Variants in GFM1 observed in about 807,000 individuals in gnomAD.
The protein encoded by GFM1 is elongation factor G, mitochondrial.
In GFM1, 62 loss-of-function variants were observed where a neutral mutation model predicts 96.2. The ratio of observed to expected loss-of-function variants is 0.64; its 90% CI spans 0.53 to 0.80. The LOEUF (loss-of-function observed/expected upper bound fraction) is 0.80. GFM1 is among the 30% of genes least tolerant of loss of function. The pLI, the probability that GFM1 is intolerant of heterozygous loss-of-function variation, is 0.00. For missense variants in GFM1, 852 were observed against 916.6 expected, an observed-to-expected ratio of 0.93 and a Z score of 0.91; for synonymous variants, 282 against 312.9, an observed-to-expected ratio of 0.90 and a Z score of 1.04.
At chr3:158,649,750 C>A (rs1399283809) in intron 5 of GFM1, 3 of 437,330 alleles carry the variant, frequency 6.9e-6, no homozygotes, top group Non-Finnish European at 1.2e-5. Context: ...TGGTAGTTAT[C>A]AAACCTTAGC....
At chr3:158,655,779 T>C in intron 8 of GFM1, 1 of 451,296 alleles carries the variant, frequency 2.2e-6, no homozygotes, top group Non-Finnish European at 4.4e-6. Context: ...TTAACTAAAA[T>C]CCTTACTTCA....
At chr3:158,687,340 A>T (rs552438681) in intron 15 of GFM1, among the ~76,000 whole-genome samples, 1 of 152,020 alleles carries the variant, frequency 6.6e-6, no homozygotes, top group Non-Finnish European at 1.5e-5. Flanking sequence ...AAAATATACT[A>T]TGCACACAAG....
chr3:158,649,993 G>A (rs963321039), intron 5 of GFM1: 7 of 1,534,966 alleles, frequency 4.6e-6, no homozygotes, highest in Middle Eastern at 1.7e-4. Context: ...TAGCCTGGTC[G>A]TTTCTCCACA....
Position 158,684,684 on chromosome 3 carries a change from G to A in GFM1, c.1909+16G>A, listed in dbSNP as rs1725684560. 1 of 1,613,312 alleles carries A rather than the reference G, an allele frequency of 6.2e-7. No individual in the cohort carries two copies. Among genetic ancestry groups the A allele is most frequent in the Admixed American group, 1.7e-5 (1 of 59,956 alleles). ...CTTAAACAAGGTATGCTGGGTCCGGGCACCTTAGCCTGTCTGTTTTCCTGA... is the reference window on the plus strand; with the variant it reads ...CTTAAACAAGGTATGCTGGGTCCGGACACCTTAGCCTGTCTGTTTTCCTGA... On this transcript the variant is annotated intron_variant, in intron 15 of 17. Transcript: ENST00000486715.
intron 9 of GFM1, among the ~76,000 whole-genome samples, chr3:158,659,436 TAC>T (rs958254450): frequency 2.0e-5 from 3 of 152,204 alleles, no homozygotes; most frequent in African/African-American, 7.2e-5. Context: ...ATAATAAATT[TAC>T]ACAGTTTTCC....
rs1257480273 is a variant in GFM1, at chr3:158,649,117, CTTA to C, written c.652_654del (p.Ile218del). 6.5e-7 allele frequency: 1 copy of C among 1,527,458 alleles called. No homozygotes were observed. Among genetic ancestry groups the C allele is most frequent in the Non-Finnish European group, 9.1e-7 (1 of 1,102,098 alleles). The allele number at this position is 1,527,458 out of a possible 1,614,324, so 94.6% of individuals were successfully genotyped here. A position where few individuals can be genotyped will look rare whatever the true frequency, so the allele number is the denominator to read the frequency against. ...GGGTAATTTTAAAGGTATTGTAGAT[CTTA>C]TTGAGGAACGAGCCATCTATTTTGA... On this transcript the variant is annotated inframe_deletion, in exon 5 of 18. Transcript: ENST00000486715.
intron 5 of GFM1, among the ~76,000 whole-genome samples, chr3:158,651,369 C>G (rs1198776822): frequency 6.6e-6 from 1 of 152,008 alleles, no homozygotes; most frequent in East Asian, 1.9e-4. Context: ...TCAGATGGGC[C>G]CTAGGCAGGT....
chr3:158,649,135 A>T lies in GFM1; in HGVS notation c.667A>T (p.Ile223Phe). 1 of 1,435,340 alleles carries T rather than the reference A, an allele frequency of 7.0e-7. No homozygotes were observed. The highest frequency in any genetic ancestry group is 9.8e-7 in the Non-Finnish European group (1 of 1,018,296). 88.9% of individuals were successfully genotyped at this position (1,435,340 alleles called of 1,614,324 possible). Residue 223 changes from isoleucine (I) to phenylalanine (F), a missense_variant, in exon 5 of 18, where the codon ATC (isoleucine) becomes TTC (phenylalanine). Transcript: ENST00000486715. Reference sequence around the variant, plus strand: ...TGTAGATCTTATTGAGGAACGAGCCATCTATTTTGATGGAGACTTTGGGTA... The same window carrying T: ...TGTAGATCTTATTGAGGAACGAGCCTTCTATTTTGATGGAGACTTTGGGTA... ...GIVDLIEERAIYFDGDFGQIV... is the reference protein window; with the variant it reads ...GIVDLIEERAFYFDGDFGQIV...
chr3:158,646,888 T>C lies in GFM1; in HGVS notation c.513T>C (p.Thr171=). Residue 171 remains threonine (T), a synonymous_variant, in exon 4 of 18, where the codon ACT becomes ACC. Coordinates refer to ENST00000486715, the MANE Select transcript of GFM1 (RefSeq NM_024996.7). Reference sequence around the variant, plus strand: ...AGCGCTACAACGTTCCGTTTCTAACTTTTATTAACAAATTGGACCGAATGG... The same window carrying C: ...AGCGCTACAACGTTCCGTTTCTAACCTTTATTAACAAATTGGACCGAATGG... ...QMKRYNVPFL[T]FINKLDRMGS... is the part of the protein sequence containing the mutation. The C allele has an allele frequency of 6.2e-7, 1 of 1,614,146 alleles. No homozygotes were observed. The highest frequency in any genetic ancestry group is 8.5e-7 in the Non-Finnish European group (1 of 1,180,024).
chr3:158,676,200 G>T (rs1724877503), intron 13 of GFM1, among the ~76,000 whole-genome samples: 1 of 152,156 alleles, frequency 6.6e-6, no homozygotes, highest in Non-Finnish European at 1.5e-5. Context: ...GCACAGGGAG[G>T]AGGTTGCGAT....
At chr3:158,681,593 T>G (rs1196566267) in intron 13 of GFM1, among the ~76,000 whole-genome samples, 1 of 152,198 alleles carries the variant, frequency 6.6e-6, no homozygotes, top group African/African-American at 2.4e-5. Context: ...ATAAATTAAC[T>G]GTAGCCATCA....
intron 12 of GFM1, 37 bp from the exon 13 acceptor site, chr3:158,666,267 T>A: frequency 1.3e-6 from 2 of 1,488,326 alleles, no homozygotes; most frequent in Non-Finnish European, 1.9e-6. Flanking sequence ...CGGTTTATTT[T>A]TTTAAATTTA....
chr3:158,682,812 C>G (rs570189032), intron 14 of GFM1, among the ~76,000 whole-genome samples: 1 of 151,944 alleles, frequency 6.6e-6, no homozygotes, highest in Non-Finnish European at 1.5e-5. Context: ...ATCACTTGAG[C>G]CCAGGAGTTT....
chr3:158,682,029 G>A lies in GFM1; in HGVS notation c.1636G>A (p.Ala546Thr). ...TACACATAAAAAACAATCAGGTGGT[G>A]CAGGCCAGTATGGAAAAGTAATAGG... Reference protein sequence around the residue: ...DFTHKKQSGGAGQYGKVIGVL... With the variant: ...DFTHKKQSGGTGQYGKVIGVL... Residue 546 changes from alanine to threonine, a missense_variant, in exon 14 of 18, where the codon GCA becomes ACA. Coordinates refer to ENST00000486715, the MANE Select transcript of GFM1 (RefSeq NM_024996.7). 2 of 1,613,462 alleles carry A rather than the reference G, an allele frequency of 1.2e-6. No homozygotes were observed. The highest frequency in any genetic ancestry group is 1.1e-5 in the South Asian group (1 of 91,038).
At chr3:158,669,485 A>C in intron 13 of GFM1, 1 of 1,613,916 alleles carries the variant, frequency 6.2e-7, no homozygotes, top group East Asian at 2.2e-5. Flanking sequence ...GTCTTTGATA[A>C]AATGTGTTGT....
intron 13 of GFM1, among the ~76,000 whole-genome samples, chr3:158,668,685 C>G (rs1164147720): frequency 6.6e-6 from 1 of 152,196 alleles, no homozygotes; most frequent in African/African-American, 2.4e-5. Flanking sequence ...GTTATGCTTC[C>G]TAGTCTCTAT....
rs112123608 is a variant in GFM1 at position 158,649,916 on chromosome 3, T to A, written c.689+759T>A. The A allele has an allele frequency of 4.5e-6, 5 of 1,116,580 alleles. No homozygotes were observed. In the Admixed American group the frequency reaches 1.0e-4, roughly 22 times the overall value. The allele number at this position is 1,116,580 out of a possible 1,614,324, so 69.2% of individuals were successfully genotyped here. ...TCTTACAGGTCTGCAGACCACACTT[T>A]GAGTGACACTGATCTAGACAATGTG... is the stretch of plus-strand genomic sequence containing the variant. On this transcript the variant is annotated intron_variant, in intron 5 of 17. Coordinates refer to ENST00000486715, the MANE Select transcript of GFM1 (RefSeq NM_024996.7).
At chr3:158,680,736 A>G (rs1318164106) in intron 13 of GFM1, among the ~76,000 whole-genome samples, 4 of 152,138 alleles carry the variant, frequency 2.6e-5, no homozygotes, top group South Asian at 2.1e-4. Context: ...AAGTAAGACA[A>G]TCCATATAAG....
rs567307124 is a variant in GFM1 at position 158,685,613 on chromosome 3, G to A, written c.1909+945G>A. On this transcript the variant is annotated intron_variant, in intron 15 of 17. Transcript: ENST00000486715. ...TGTGATCAGGTATGGGGCAGTGGTTGGGGAGGGTTGCTGATTCCTTATTTT... is the reference window on the plus strand; with the variant it reads ...TGTGATCAGGTATGGGGCAGTGGTTAGGGAGGGTTGCTGATTCCTTATTTT... 2.0e-5 allele frequency among the ~76,000 whole-genome samples: 3 copies of A among 152,252 alleles called. No individual in the cohort carries two copies. The East Asian group carries it at 5.8e-4, about 29-fold the overall frequency.
Sources: gnomAD v4.1 joint callset for allele counts (sites outside exome capture counted in the v4.1 genomes callset) on GRCh38, gnomAD v4.1.1 for gene constraint, MANE v1.5 for transcripts, NCBI Gene and HGNC (gene_info 2026-07-23, HGNC 2026-07-21) for gene names.